The following LRRC4C variants were observed in gnomAD, a reference collection of about 807,000 sequenced individuals.
The protein encoded by LRRC4C is leucine rich repeat containing 4C.
In LRRC4C, 5 loss-of-function variants were observed where a neutral mutation model predicts 33.6. That is an observed-to-expected ratio of 0.15 (90% CI 0.08 to 0.31). LRRC4C has a LOEUF of 0.31. LRRC4C is among the 10% of genes least tolerant of loss of function. The pLI, the probability that LRRC4C is intolerant of heterozygous loss-of-function variation, is 1.00. For synonymous variants in LRRC4C, 329 were observed against 302.0 expected, an observed-to-expected ratio of 1.09 and a Z score of -0.93; for missense variants, 560 against 796.7, an observed-to-expected ratio of 0.70 and a Z score of 3.58.
At chr11:41,128,088 A>G (rs1003329358) in intron 1 of LRRC4C, among the ~76,000 whole-genome samples, 1 of 152,040 alleles carries the variant, frequency 6.6e-6, no homozygotes, top group Non-Finnish European at 1.5e-5. Flanking sequence ...GTTTATTATG[A>G]TAGCTAAAAG....
At chr11:40,498,697 A>C (rs2138595594) in intron 3 of LRRC4C, among the ~76,000 whole-genome samples, 1 of 151,846 alleles carries the variant, frequency 6.6e-6, no homozygotes, top group East Asian at 1.9e-4. Flanking sequence ...CCATGAAACA[A>C]GTTTTCAGAA....
intron 2 of LRRC4C, among the ~76,000 whole-genome samples, chr11:40,832,633 G>A (rs572586255): frequency 2.6e-4 from 39 of 152,188 alleles, no homozygotes; most frequent in African/African-American, 9.1e-4. Flanking sequence ...TGGGAATCTA[G>A]TACTTGTGTC....
At chr11:41,367,041 T>C (rs1172239566) in intron 1 of LRRC4C, among the ~76,000 whole-genome samples, 1 of 152,208 alleles carries the variant, frequency 6.6e-6, no homozygotes, top group Non-Finnish European at 1.5e-5. Context: ...CCAGTGTTTC[T>C]AATGATAGCC....
chr11:40,909,628 C>T (rs1174824229), intron 2 of LRRC4C, among the ~76,000 whole-genome samples: 1 of 152,044 alleles, frequency 6.6e-6, no homozygotes, highest in Non-Finnish European at 1.5e-5. Flanking sequence ...GAGTTATTAT[C>T]TTCTCTTGAT....
chr11:40,810,019 T>C (rs1227411258), intron 2 of LRRC4C, among the ~76,000 whole-genome samples: 2 of 152,212 alleles, frequency 1.3e-5, no homozygotes, highest in Non-Finnish European at 2.9e-5. Context: ...TTAGGCATTT[T>C]CCTCACAGCA....
intron 4 of LRRC4C, among the ~76,000 whole-genome samples, chr11:40,257,889 T>C (rs1337316691): frequency 6.6e-6 from 1 of 152,146 alleles, no homozygotes. Context: ...CCTGAACTTC[T>C]TGTTCTATGT....
At chr11:40,274,285 T>C (rs1434755680) in intron 4 of LRRC4C, among the ~76,000 whole-genome samples, 2 of 151,876 alleles carry the variant, frequency 1.3e-5, no homozygotes, top group Non-Finnish European at 2.9e-5. Context: ...TCTGGCCACA[T>C]CCAGGGCTTC....
At chr11:40,679,541 G>A (rs1256863575) in intron 2 of LRRC4C, among the ~76,000 whole-genome samples, 1 of 152,188 alleles carries the variant, frequency 6.6e-6, no homozygotes, top group Non-Finnish European at 1.5e-5. Flanking sequence ...TCTGCTGTGT[G>A]CAGTCTAGGG....
At chr11:41,286,820 G>A (rs1949844219) in intron 1 of LRRC4C, among the ~76,000 whole-genome samples, 1 of 151,886 alleles carries the variant, frequency 6.6e-6, no homozygotes, top group African/African-American at 2.4e-5. Flanking sequence ...GCAAGGAGGA[G>A]GAGGAGAAGG....
At chr11:40,983,022 C>T (rs1038303332) in intron 1 of LRRC4C, among the ~76,000 whole-genome samples, 2 of 152,150 alleles carry the variant, frequency 1.3e-5, no homozygotes, top group Non-Finnish European at 2.9e-5. Context: ...TTTATGACTG[C>T]ATAGTATTCC....
rs150345570 is a variant in LRRC4C at position 40,998,396 on chromosome 11, T to C, written c.-495-64673A>G. Among the ~76,000 whole-genome samples, 641 of 152,208 alleles carry C rather than the reference T, an allele frequency of 4.2e-3. 5 individuals are homozygous for C. The highest frequency in any genetic ancestry group is 0.015 in the African/African-American group (610 of 41,536). ...ACAATAATGCCATTCTAATATACAG[T>C]TCTAAATCTGGGATCTAATAAAAAA... On this transcript the variant is annotated intron_variant, in intron 1 of 6. Transcript: ENST00000528697.
chr11:41,237,634 C>A (rs1218757146), intron 1 of LRRC4C, among the ~76,000 whole-genome samples: 1 of 152,114 alleles, frequency 6.6e-6, no homozygotes, highest in Non-Finnish European at 1.5e-5. Flanking sequence ...AGAACACCTT[C>A]CTGCAAGAAA....
At chr11:40,942,166 T>A (rs941468604) in intron 1 of LRRC4C, among the ~76,000 whole-genome samples, 1 of 152,096 alleles carries the variant, frequency 6.6e-6, no homozygotes, top group Non-Finnish European at 1.5e-5. Context: ...ATCCTTGAGA[T>A]GAAGTTGCAC....
At chr11:41,252,641 T>C (rs929679111) in intron 1 of LRRC4C, among the ~76,000 whole-genome samples, 2 of 152,146 alleles carry the variant, frequency 1.3e-5, no homozygotes, top group African/African-American at 4.8e-5. Flanking sequence ...AAAAATGTCC[T>C]ATTTAATAAG....
intron 3 of LRRC4C, among the ~76,000 whole-genome samples, chr11:40,564,393 G>A (rs918629232): frequency 9.2e-5 from 14 of 152,266 alleles, no homozygotes; most frequent in Middle Eastern, 3.4e-3. Flanking sequence ...TCTTTTCTAG[G>A]AAGGTCCAGA....
At chr11:40,506,786 C>G (rs973461824) in intron 3 of LRRC4C, among the ~76,000 whole-genome samples, 49 of 151,904 alleles carry the variant, frequency 3.2e-4, no homozygotes, top group African/African-American at 1.2e-3. Flanking sequence ...AATAGGCTAA[C>G]AAATAAATGA....
At chr11:40,723,697 G>A (rs1484414468) in intron 2 of LRRC4C, among the ~76,000 whole-genome samples, 1 of 151,950 alleles carries the variant, frequency 6.6e-6, no homozygotes, top group African/African-American at 2.4e-5. Context: ...AAGCAACTAC[G>A]CAATGGAGAC....
intron 3 of LRRC4C, among the ~76,000 whole-genome samples, chr11:40,612,452 C>T (rs1265305176): frequency 6.6e-6 from 1 of 151,806 alleles, no homozygotes; most frequent in African/African-American, 2.4e-5. Context: ...TGAAAGAGTT[C>T]TAAAGATCTG....
intron 5 of LRRC4C, among the ~76,000 whole-genome samples, chr11:40,188,265 C>G (rs533992356): frequency 6.6e-6 from 1 of 152,244 alleles, no homozygotes; most frequent in African/African-American, 2.4e-5. Context: ...CTTTTTGGTC[C>G]TACAACCTTA....
Sources: gnomAD v4.1 joint callset for allele counts (sites outside exome capture counted in the v4.1 genomes callset) on GRCh38, gnomAD v4.1.1 for gene constraint, MANE v1.5 for transcripts, NCBI Gene and HGNC (gene_info 2026-07-23, HGNC 2026-07-21) for gene names.